Variants in GK observed in about 807,000 individuals in gnomAD.
GK encodes the protein glycerol kinase.
In GK, 9 loss-of-function variants were observed where a neutral mutation model predicts 56.4. The observed-to-expected ratio is 0.16, with a 90% CI of 0.10 to 0.28. GK has a LOEUF of 0.28. GK is among the 10% of genes least tolerant of loss of function. GK has a pLI of 1.00. For missense variants in GK, 161 were observed against 431.4 expected, an observed-to-expected ratio of 0.37 and a Z score of 5.55; for synonymous variants, 104 against 144.1, an observed-to-expected ratio of 0.72 and a Z score of 1.99.
At chrX:30,698,881 A>AG (rs1378853493) in intron 9 of GK, among the ~76,000 whole-genome samples, 1 of 107,388 alleles carries the variant, frequency 9.3e-6, no homozygotes, top group Non-Finnish European at 1.9e-5. Context: ...AAAAAAAAAA[A>AG]AAAGAAAAGA....
rs771871477 is a variant in GK at position 30,716,713 on chromosome X, T to G, written c.976-1825T>G. Among the ~76,000 whole-genome samples, 140 of 112,110 alleles carry G rather than the reference T, an allele frequency of 1.2e-3. 1 individual carries two copies. Among genetic ancestry groups the G allele is most frequent in the African/African-American group, 4.5e-3 (138 of 30,925 alleles). ...TCTTAAATCTCTTTAAACCAAAATT[T>G]TACTTAGTTCTCTTGAATGATCCCA... On this transcript the variant is annotated intron_variant, in intron 13 of 20. Coordinates refer to ENST00000427190, the MANE Select transcript of GK (RefSeq NM_001205019.2).
chrX:30,693,488 T>C (rs1316209084), intron 5 of GK, among the ~76,000 whole-genome samples: 2 of 111,979 alleles, frequency 1.8e-5, no homozygotes, highest in African/African-American at 3.2e-5. Context: ...TTTAATATAT[T>C]TGCTAAATTT....
Position 30,720,866 on chromosome X carries a change from C to T in GK, c.1372C>T (p.Pro458Ser). 8.3e-7 allele frequency: 1 copy of T among 1,211,774 alleles called. No individual in the cohort carries two copies. Among genetic ancestry groups the T allele is most frequent in the Non-Finnish European group, 1.1e-6 (1 of 895,334 alleles). Residue 458 changes from proline (P) to serine (S), a missense_variant, in exon 18 of 21, where the codon CCC becomes TCC. Pro to Ser is a moderately conservative substitution (Grantham distance 74). Transcript: ENST00000427190. ...TCTCTCCTCAGTGAAGCCCTCAATG[C>T]CCGAAACCACTGCACTGGGTGCGGC... Reference protein sequence around the residue: ...LYIPVVKPSMPETTALGAAMA... With the variant: ...LYIPVVKPSMSETTALGAAMA...
intron 9 of GK, among the ~76,000 whole-genome samples, chrX:30,698,584 A>G (rs1359464251): frequency 5.5e-5 from 6 of 109,765 alleles, no homozygotes; most frequent in South Asian, 3.9e-4. Context: ...GGTGCCTGTA[A>G]TCCCAGCTAC....
intron 11 of GK, among the ~76,000 whole-genome samples, chrX:30,702,613 G>A (rs962296829): frequency 2.7e-5 from 3 of 112,089 alleles, no homozygotes; most frequent in Admixed American, 1.9e-4. Flanking sequence ...AGTGGGAGAT[G>A]CAATATTTGC....
At chrX:30,664,518 A>G (rs1932940702) in intron 1 of GK, among the ~76,000 whole-genome samples, 1 of 108,798 alleles carries the variant, frequency 9.2e-6, no homozygotes, top group African/African-American at 3.3e-5. Context: ...TATTTTAAAA[A>G]GTGTTGTTTT....
chrX:30,722,215 T>A (rs1364360872), intron 18 of GK, among the ~76,000 whole-genome samples: 1 of 112,797 alleles, frequency 8.9e-6, no homozygotes, highest in African/African-American at 3.2e-5. Flanking sequence ...AGAAAATGAA[T>A]TATAATACTA....
rs369959686 is a variant in GK at position 30,716,491 on chromosome X, A to AT, written c.976-2039dup. Among the ~76,000 whole-genome samples, 8 of 111,912 alleles carry AT rather than the reference A, an allele frequency of 7.1e-5. No homozygotes were observed. The East Asian group carries it at 8.3e-4, about 12-fold the overall frequency. On this transcript the variant is annotated intron_variant, in intron 13 of 20. Coordinates refer to ENST00000427190, the MANE Select transcript of GK (RefSeq NM_001205019.2). ...AATTTAATATTGATTTCATGTTGAA[A>AT]TTTTTTTTAATACATTGGGTTAAAT...
intron 1 of GK, among the ~76,000 whole-genome samples, chrX:30,657,012 G>A (rs1317810163): frequency 9.0e-6 from 1 of 111,197 alleles, no homozygotes; most frequent in Admixed American, 9.6e-5. Flanking sequence ...CACCACGCCC[G>A]GCTAATTTTT....
intron 15 of GK, 68 bp from the exon 16 acceptor site, chrX:30,719,943 T>C: frequency 1.4e-6 from 1 of 732,159 alleles, no homozygotes; most frequent in East Asian, 3.2e-5. Flanking sequence ...GACCTTTTCA[T>C]ATTTGAGATA....
chrX:30,660,386 T>C (rs960275453), intron 1 of GK, among the ~76,000 whole-genome samples: 5 of 110,679 alleles, frequency 4.5e-5, no homozygotes, highest in Non-Finnish European at 7.6e-5. Flanking sequence ...GATTTGGGTT[T>C]AGAGATGAAT....
Position 30,729,129 on chromosome X carries a change from C to G in GK, c.*387C>G, listed in dbSNP as rs1937257901. ...GACCAGGATTTGAGTCTCTGCATGA[C>G]ATATACTTGATTAAAAGGTTATTAC... On this transcript the variant is annotated 3_prime_UTR_variant, in exon 21 of 21. Transcript: ENST00000427190. The G allele has an allele frequency of 5.9e-6, 1 of 170,384 alleles. No individual in the cohort carries two copies. Among genetic ancestry groups the G allele is most frequent in the African/African-American group, 3.0e-5 (1 of 32,976 alleles). The allele number at this position is 170,384 out of a possible 1,213,427, so 14.0% of individuals were successfully genotyped here. A position where few individuals can be genotyped will look rare whatever the true frequency, so the allele number is the denominator to read the frequency against.
intron 11 of GK, among the ~76,000 whole-genome samples, chrX:30,706,767 C>T (rs140142220): frequency 0.015 from 1,644 of 111,612 alleles, 36 homozygotes; most frequent in African/African-American, 0.05. Flanking sequence ...CGTTCCATGC[C>T]ACTCTTGTCC....
chrX:30,657,051 A>G (rs934526075), intron 1 of GK, among the ~76,000 whole-genome samples: 16 of 111,538 alleles, frequency 1.4e-4, no homozygotes, highest in Non-Finnish European at 2.8e-4. Context: ...GGGTTTCACC[A>G]TGTTGGTCAG....
chrX:30,660,905 T>C (rs771619416), intron 1 of GK, among the ~76,000 whole-genome samples: 13 of 105,244 alleles, frequency 1.2e-4, no homozygotes, highest in Non-Finnish European at 1.2e-4. Flanking sequence ...CTCCGCCTCC[T>C]GGGTTCAATC....
chrX:30,678,632 T>C lies in GK; in HGVS notation c.337+1180T>C, dbSNP rs145992648. On this transcript the variant is annotated intron_variant, in intron 4 of 20. Coordinates refer to ENST00000427190, the MANE Select transcript of GK (RefSeq NM_001205019.2). ...AAATTCTCAAAAAATTTGAAAGAAT[T>C]ACAACTAAAGATCCTTTTAGTACAT... is the stretch of plus-strand genomic sequence containing the variant. Among the ~76,000 whole-genome samples, 890 of 109,603 alleles carry C rather than the reference T, an allele frequency of 8.1e-3. 7 individuals are homozygous for C. Among genetic ancestry groups the C allele is most frequent in the African/African-American group, 0.028 (845 of 30,296 alleles).
At chrX:30,691,893 A>G (rs1452156260) in intron 5 of GK, among the ~76,000 whole-genome samples, 1 of 104,064 alleles carries the variant, frequency 9.6e-6, no homozygotes, top group South Asian at 3.8e-4. Flanking sequence ...CCCTTTATTG[A>G]ACCCCTCTTC....
intron 4 of GK, among the ~76,000 whole-genome samples, chrX:30,685,923 G>A (rs1035107877): frequency 3.6e-5 from 4 of 112,086 alleles, no homozygotes; most frequent in African/African-American, 1.3e-4. Flanking sequence ...GGGCCTGACG[G>A]ACTATAAGGC....
At chrX:30,664,067 T>A (rs751532715) in intron 1 of GK, among the ~76,000 whole-genome samples, 1 of 84,464 alleles carries the variant, frequency 1.2e-5, no homozygotes, top group African/African-American at 4.9e-5. Flanking sequence ...TATATATATT[T>A]TATAGATATA....
Sources: gnomAD v4.1 joint callset for allele counts (sites outside exome capture counted in the v4.1 genomes callset) on GRCh38, gnomAD v4.1.1 for gene constraint, MANE v1.5 for transcripts, NCBI Gene and HGNC (gene_info 2026-07-23, HGNC 2026-07-21) for gene names.